The following NELL1 variants were observed in gnomAD, a reference collection of about 807,000 sequenced individuals.
The protein encoded by NELL1 is neural EGFL like 1, also known as protein kinase C-binding protein NELL1.
In NELL1, 76 loss-of-function variants were observed where a neutral mutation model predicts 107.4. The ratio of observed to expected loss-of-function variants is 0.71; its 90% CI spans 0.59 to 0.86. The LOEUF (loss-of-function observed/expected upper bound fraction) is 0.86. NELL1 is among the 40% of genes least tolerant of loss of function. NELL1 has a pLI of 0.00. For missense variants in NELL1, 1,024 were observed against 1,005.5 expected, an observed-to-expected ratio of 1.02 and a Z score of -0.25; for synonymous variants, 353 against 341.2, an observed-to-expected ratio of 1.03 and a Z score of -0.38.
chr11:21,277,341 A>G (rs1323729325), intron 14 of NELL1, among the ~76,000 whole-genome samples: 2 of 152,026 alleles, frequency 1.3e-5, no homozygotes, highest in African/African-American at 4.8e-5. Context: ...AATCAAAACT[A>G]CAATGAGATA....
intron 14 of NELL1, among the ~76,000 whole-genome samples, chr11:21,299,990 C>A (rs1339973323): frequency 6.6e-6 from 1 of 151,970 alleles, no homozygotes; most frequent in Middle Eastern, 3.2e-3. Context: ...GAAACCCCGA[C>A]CTCTTGTGAC....
At chr11:21,269,227 A>G (rs1848692606) in intron 14 of NELL1, among the ~76,000 whole-genome samples, 1 of 152,130 alleles carries the variant, frequency 6.6e-6, no homozygotes, top group African/African-American at 2.4e-5. Flanking sequence ...AAACAAAAAG[A>G]AACAATAGGA....
intron 15 of NELL1, among the ~76,000 whole-genome samples, chr11:21,439,637 T>G (rs889214269): frequency 5.3e-5 from 8 of 152,168 alleles, no homozygotes; most frequent in African/African-American, 1.9e-4. Context: ...CATTTCTTAC[T>G]AATACAGTGC....
intron 15 of NELL1, among the ~76,000 whole-genome samples, chr11:21,523,320 T>C (rs1293123286): frequency 6.6e-6 from 1 of 152,200 alleles, no homozygotes; most frequent in East Asian, 1.9e-4. Flanking sequence ...TGACAATCTT[T>C]GCCTTTAAGT....
chr11:21,355,457 T>C (rs542171591), intron 14 of NELL1, among the ~76,000 whole-genome samples: 93 of 152,328 alleles, frequency 6.1e-4, no homozygotes, highest in African/African-American at 2.1e-3. Context: ...GGTTCCCTTA[T>C]TGACCTGATT....
chr11:21,363,615 C>T (rs866438243), intron 14 of NELL1, among the ~76,000 whole-genome samples: 19 of 152,134 alleles, frequency 1.2e-4, no homozygotes, highest in South Asian at 2.1e-4. Flanking sequence ...GTCTCCTATC[C>T]GCCATCTTCC....
intron 14 of NELL1, among the ~76,000 whole-genome samples, chr11:21,337,010 A>G (rs1310122319): frequency 6.6e-6 from 1 of 152,090 alleles, no homozygotes; most frequent in Non-Finnish European, 1.5e-5. Context: ...CCATTTGAAC[A>G]GATGATGTTG....
rs146410048 is a variant in NELL1, at chr11:21,204,906, C to G, written c.1427-24426C>G. On this transcript the variant is annotated intron_variant, in intron 13 of 19. Transcript: ENST00000357134. ...TGCTAGAGTTTGCTGGAGGTCCACT[C>G]CAGACCCTGTTTGCCTGGGTATCAC... is the stretch of plus-strand genomic sequence containing the variant. 5.6e-4 allele frequency among the ~76,000 whole-genome samples: 86 copies of G among 152,278 alleles called. No homozygotes were observed. In the East Asian group the frequency reaches 7.8e-3, roughly 14 times the overall value.
At chr11:20,838,301 A>G (rs2134046050) in intron 3 of NELL1, among the ~76,000 whole-genome samples, 1 of 150,114 alleles carries the variant, frequency 6.7e-6, no homozygotes, top group Non-Finnish European at 1.5e-5. Context: ...CACAGCTATA[A>G]GGAGCCTGAG....
At chr11:20,799,325 C>T (rs1043394425) in intron 3 of NELL1, among the ~76,000 whole-genome samples, 3 of 152,018 alleles carry the variant, frequency 2.0e-5, no homozygotes, top group African/African-American at 4.8e-5. Context: ...TGTGAGAGAC[C>T]GTGTATCATG....
intron 13 of NELL1, among the ~76,000 whole-genome samples, chr11:21,136,396 A>G (rs1855744853): frequency 6.6e-6 from 1 of 152,238 alleles, no homozygotes; most frequent in East Asian, 1.9e-4. Context: ...TTGAGAAGCC[A>G]TTAAAAGCTT....
At chr11:21,062,127 T>C (rs1853756949) in intron 12 of NELL1, among the ~76,000 whole-genome samples, 1 of 152,210 alleles carries the variant, frequency 6.6e-6, no homozygotes, top group Non-Finnish European at 1.5e-5. Context: ...TGAAATGTGG[T>C]TAGTCGAATT....
At chr11:20,843,200 G>A (rs1314245430) in intron 3 of NELL1, among the ~76,000 whole-genome samples, 5 of 151,994 alleles carry the variant, frequency 3.3e-5, no homozygotes, top group East Asian at 1.9e-4. Flanking sequence ...AGGGGTACAC[G>A]CTGGGAAAGG....
At chr11:20,952,750 G>A (rs866777207) in intron 11 of NELL1, among the ~76,000 whole-genome samples, 3 of 152,208 alleles carry the variant, frequency 2.0e-5, no homozygotes, top group South Asian at 4.1e-4. Context: ...ACGTGCTACA[G>A]TGGATCAAGG....
At chr11:20,760,774 A>G (rs2133957133) in intron 2 of NELL1, among the ~76,000 whole-genome samples, 1 of 152,304 alleles carries the variant, frequency 6.6e-6, no homozygotes, top group African/African-American at 2.4e-5. Flanking sequence ...AAATCTTTTT[A>G]TCTTTCTACT....
chr11:21,088,458 T>TTTGGC, intron 12 of NELL1, among the ~76,000 whole-genome samples: 1 of 152,312 alleles, frequency 6.6e-6, no homozygotes, highest in East Asian at 1.9e-4. Context: ...CAAACCTGCC[T>TTTGGC]TTGGCTCCAA....
chr11:21,068,141 T>A (rs989902833), intron 12 of NELL1, among the ~76,000 whole-genome samples: 2 of 151,788 alleles, frequency 1.3e-5, no homozygotes. Flanking sequence ...GTATTCATTC[T>A]GGTGTCTAGT....
intron 12 of NELL1, among the ~76,000 whole-genome samples, chr11:21,067,986 T>G: frequency 8.0e-6 from 1 of 125,234 alleles, no homozygotes; most frequent in Middle Eastern, 5.8e-3. Flanking sequence ...TGAGCCGAGA[T>G]TGCATCACTG....
intron 13 of NELL1, among the ~76,000 whole-genome samples, chr11:21,124,792 G>C (rs1590659469): frequency 6.6e-6 from 1 of 151,834 alleles, no homozygotes; most frequent in African/African-American, 2.4e-5. Context: ...GTACAGACAG[G>C]GTTTCTCCAT....
Sources: gnomAD v4.1 joint callset for allele counts (sites outside exome capture counted in the v4.1 genomes callset) on GRCh38, gnomAD v4.1.1 for gene constraint, MANE v1.5 for transcripts, NCBI Gene and HGNC (gene_info 2026-07-23, HGNC 2026-07-21) for gene names.